Variants in IRF2 observed in about 807,000 individuals in gnomAD.
IRF2 encodes interferon regulatory factor 2.
IRF2 carries 15 observed loss-of-function variants against 40.6 expected under a neutral mutation model. The observed-to-expected ratio is 0.37, with a 90% confidence interval of 0.25 to 0.57. The LOEUF is 0.57. Ranked by LOEUF, IRF2 falls within the 20% of genes least tolerant of loss-of-function variation. The pLI, the probability that IRF2 is intolerant of heterozygous loss-of-function variation, is 0.77. For missense variants in IRF2, 317 were observed against 455.7 expected, an observed-to-expected ratio of 0.70 and a Z score of 2.77; for synonymous variants, 151 against 165.5, an observed-to-expected ratio of 0.91 and a Z score of 0.67.
chr4:184,396,025 C>T (rs911449915), intron 7 of IRF2, among the ~76,000 whole-genome samples: 6 of 152,196 alleles, frequency 3.9e-5, no homozygotes, highest in Non-Finnish European at 7.3e-5. Context: ...TTCTAAAGCT[C>T]CAACCCCCTA....
At chr4:184,444,912 A>G (rs959631875) in intron 1 of IRF2, among the ~76,000 whole-genome samples, 26 of 152,276 alleles carry the variant, frequency 1.7e-4, no homozygotes, top group African/African-American at 6.3e-4. Context: ...TAATTTGTGC[A>G]GGAATGCACA....
intron 5 of IRF2, among the ~76,000 whole-genome samples, chr4:184,414,637 G>A (rs940031580): frequency 6.6e-5 from 10 of 152,226 alleles, no homozygotes; most frequent in Admixed American, 5.9e-4. Context: ...TGCTGAGGCC[G>A]TTTCTGCACC....
chr4:184,421,134 C>T (rs1470765189), intron 2 of IRF2, among the ~76,000 whole-genome samples: 1 of 152,198 alleles, frequency 6.6e-6, no homozygotes, highest in Non-Finnish European at 1.5e-5. Flanking sequence ...GTTTCCACCA[C>T]TTCAGTCTCA....
At chr4:184,459,013 G>A (rs951680465) in intron 1 of IRF2, among the ~76,000 whole-genome samples, 8 of 151,764 alleles carry the variant, frequency 5.3e-5, no homozygotes, top group African/African-American at 1.9e-4. Flanking sequence ...ATGATTGAAT[G>A]GATTATATTT....
At chr4:184,429,305 G>T (rs185976491) in intron 1 of IRF2, among the ~76,000 whole-genome samples, 102 of 152,212 alleles carry the variant, frequency 6.7e-4, no homozygotes, top group Non-Finnish European at 1.2e-3. Flanking sequence ...CCGCTGGGAG[G>T]GTCCTATGGA....
At chr4:184,402,639 A>G (rs1230169043) in intron 6 of IRF2, among the ~76,000 whole-genome samples, 1 of 152,136 alleles carries the variant, frequency 6.6e-6, no homozygotes, top group East Asian at 1.9e-4. Context: ...CACTGACTGG[A>G]GCCAGAGTGG....
chr4:184,408,917 C>G lies in IRF2; in HGVS notation c.412-642G>C, dbSNP rs1035330646. 5.9e-5 allele frequency among the ~76,000 whole-genome samples: 9 copies of G among 152,214 alleles called. No individual in the cohort carries two copies. The highest frequency in any genetic ancestry group is 2.2e-4 in the African/African-American group (9 of 41,450). On this transcript the variant is annotated intron_variant, in intron 5 of 8. Transcript: ENST00000393593. This position sits in a 1 kb window ranked among gnomAD's most constrained non-coding sequence, Gnocchi z 4.9. ...TCAGGTGGCTGAATATCTCATCCAG[C>G]CCAAGAATTCTGCACGTGCACACTA...
At chr4:184,460,977 C>G (rs549374424) in intron 1 of IRF2, among the ~76,000 whole-genome samples, 3 of 152,268 alleles carry the variant, frequency 2.0e-5, no homozygotes, top group Admixed American at 6.5e-5. Flanking sequence ...CTTAAAAAAA[C>G]CTTTTTATTT....
intron 6 of IRF2, among the ~76,000 whole-genome samples, chr4:184,403,502 C>A (rs1233928115): frequency 6.6e-6 from 1 of 152,206 alleles, no homozygotes; most frequent in African/African-American, 2.4e-5. Context: ...CTCCCAAGAC[C>A]TCACAACCCA....
chr4:184,452,298 C>T (rs909548032), intron 1 of IRF2, among the ~76,000 whole-genome samples: 11 of 152,268 alleles, frequency 7.2e-5, no homozygotes, highest in East Asian at 5.8e-4. Context: ...ACAAAGAATG[C>T]GAAGACCATA....
chr4:184,393,533 G>A (rs1023448731), intron 7 of IRF2, among the ~76,000 whole-genome samples: 10 of 152,202 alleles, frequency 6.6e-5, no homozygotes, highest in African/African-American at 1.9e-4. Context: ...TAAGGCTCCC[G>A]GGTAAGACCT....
intron 2 of IRF2, among the ~76,000 whole-genome samples, chr4:184,423,267 G>A (rs764501874): frequency 6.6e-6 from 1 of 152,196 alleles, no homozygotes; most frequent in Non-Finnish European, 1.5e-5. Flanking sequence ...AGACAGACGC[G>A]CCATGCCAGG....
At chr4:184,412,548 T>C (rs978168307) in intron 5 of IRF2, among the ~76,000 whole-genome samples, 1 of 152,166 alleles carries the variant, frequency 6.6e-6, no homozygotes, top group Non-Finnish European at 1.5e-5. Flanking sequence ...CATCTCTAAG[T>C]CTCTGCTAAC....
intron 1 of IRF2, among the ~76,000 whole-genome samples, chr4:184,437,963 A>G (rs1040553581): frequency 6.6e-6 from 1 of 152,164 alleles, no homozygotes; most frequent in African/African-American, 2.4e-5. Context: ...AGTTCCTCAC[A>G]ACGACTTCTG....
chr4:184,427,707 T>G (rs1737721175), intron 2 of IRF2, among the ~76,000 whole-genome samples: 1 of 151,952 alleles, frequency 6.6e-6, no homozygotes, highest in African/African-American at 2.4e-5. Flanking sequence ...GAAATAAGAT[T>G]TGAAAGATAT....
chr4:184,434,995 G>C (rs1285317838), intron 1 of IRF2, among the ~76,000 whole-genome samples: 1 of 152,206 alleles, frequency 6.6e-6, no homozygotes, highest in African/African-American at 2.4e-5. Context: ...GCTGCAGTGA[G>C]CCATGATCAC....
intron 6 of IRF2, chr4:184,407,322 CCT>C: frequency 1.7e-6 from 2 of 1,152,650 alleles, no homozygotes; most frequent in Non-Finnish European, 2.3e-6. Flanking sequence ...TTTTTCTTCT[CCT>C]TCCCCTTAAA....
chr4:184,410,691 T>A (rs952384754), intron 5 of IRF2, among the ~76,000 whole-genome samples: 3 of 152,208 alleles, frequency 2.0e-5, no homozygotes, highest in Non-Finnish European at 4.4e-5. Flanking sequence ...CTGACCTTAT[T>A]TTTTTAGTCA....
At chr4:184,468,484 T>C (rs1288579574) in intron 1 of IRF2, among the ~76,000 whole-genome samples, 1 of 128,760 alleles carries the variant, frequency 7.8e-6, no homozygotes, top group Non-Finnish European at 1.7e-5. Flanking sequence ...CGAGACTCTT[T>C]CTCAAAAAAG....
Sources: gnomAD v4.1 joint callset for allele counts (sites outside exome capture counted in the v4.1 genomes callset) on GRCh38, gnomAD v4.1.1 for gene constraint, Gnocchi (gnomAD v3.1) non-coding constraint, MANE v1.5 for transcripts, NCBI Gene and HGNC (gene_info 2026-07-23, HGNC 2026-07-21) for gene names.